Variants in DLGAP1 observed in about 807,000 individuals in gnomAD.
DLGAP1 encodes disks large-associated protein 1.
A neutral mutation model predicts 90.8 loss-of-function variants in DLGAP1; 11 were observed. The observed-to-expected ratio is 0.12, with a 90% confidence interval of 0.08 to 0.20. The LOEUF (loss-of-function observed/expected upper bound fraction) is 0.20. Ranked by LOEUF, DLGAP1 falls within the 10% of genes least tolerant of loss-of-function variation. The pLI is 1.00. For missense variants in DLGAP1, 1,050 were observed against 1,333.8 expected, an observed-to-expected ratio of 0.79 and a Z score of 3.31; for synonymous variants, 558 against 540.7, an observed-to-expected ratio of 1.03 and a Z score of -0.44.
At chr18:3,696,419 T>G (rs541031808) in intron 7 of DLGAP1, among the ~76,000 whole-genome samples, 32 of 152,324 alleles carry the variant, frequency 2.1e-4, no homozygotes, top group Middle Eastern at 3.4e-3. Context: ...GGTGTTGAAT[T>G]TTATTGAAGG....
At chr18:4,125,091 A>C (rs1268334635) in intron 2 of DLGAP1, among the ~76,000 whole-genome samples, 1 of 152,230 alleles carries the variant, frequency 6.6e-6, no homozygotes, top group Non-Finnish European at 1.5e-5. Flanking sequence ...GGAGCAAGGC[A>C]AGGGGTCACT....
chr18:3,649,914 T>G (rs2059237187), intron 7 of DLGAP1, among the ~76,000 whole-genome samples: 1 of 152,240 alleles, frequency 6.6e-6, no homozygotes, highest in Non-Finnish European at 1.5e-5. Flanking sequence ...GGCTAACCCT[T>G]GGAAATTTCT....
intron 12 of DLGAP1, chr18:3,502,152 T>C (rs2049973419): frequency 8.8e-7 from 1 of 1,130,810 alleles, no homozygotes; most frequent in African/African-American, 1.6e-5. Context: ...TTCTATGGAT[T>C]CATGCACTGA....
Position 4,223,264 on chromosome 18 carries a change from T to A in DLGAP1, c.-266-71977A>T, listed in dbSNP as rs558383129. On this transcript the variant is annotated intron_variant, in intron 1 of 12. Coordinates refer to ENST00000315677, the MANE Select transcript of DLGAP1 (RefSeq NM_004746.4). ...ATACATTTTCTTATCTCCAGCTGAGTTTGAAACATGTTTATGCAGGAATAA... is the reference window on the plus strand; with the variant it reads ...ATACATTTTCTTATCTCCAGCTGAGATTGAAACATGTTTATGCAGGAATAA... Among the ~76,000 whole-genome samples the A allele has an allele frequency of 9.9e-5, 15 of 152,248 alleles. 1 individual carries two copies. In the East Asian group the frequency reaches 1.5e-3, roughly 16 times the overall value.
chr18:4,160,389 C>G (rs2076824548), intron 1 of DLGAP1, among the ~76,000 whole-genome samples: 1 of 152,188 alleles, frequency 6.6e-6, no homozygotes, highest in Non-Finnish European at 1.5e-5. Context: ...TTTCACATCT[C>G]TTTCAGTTTT....
chr18:3,971,061 A>C (rs752774500), intron 3 of DLGAP1, among the ~76,000 whole-genome samples: 1 of 152,154 alleles, frequency 6.6e-6, no homozygotes, highest in Admixed American at 6.5e-5. Context: ...AGCACCCCAC[A>C]TCTATTCCAG....
intron 6 of DLGAP1, among the ~76,000 whole-genome samples, chr18:3,734,892 A>G (rs961757105): frequency 2.0e-5 from 3 of 152,186 alleles, no homozygotes; most frequent in African/African-American, 7.2e-5. Context: ...CCACACAGAA[A>G]TATTTAATTT....
chr18:3,962,946 T>C (rs2073234127), intron 3 of DLGAP1, among the ~76,000 whole-genome samples: 1 of 152,192 alleles, frequency 6.6e-6, no homozygotes, highest in African/African-American at 2.4e-5. Context: ...TTGTAGGTGT[T>C]GGTGTTCTTT....
intron 1 of DLGAP1, among the ~76,000 whole-genome samples, chr18:4,360,639 AG>A (rs1234268409): frequency 3.9e-5 from 6 of 152,174 alleles, no homozygotes; most frequent in Non-Finnish European, 7.4e-5. Context: ...TGCTGTAGGG[AG>A]TGAAAAGGAA....
At chr18:4,234,425 C>T (rs1265293758) in intron 1 of DLGAP1, among the ~76,000 whole-genome samples, 1 of 152,140 alleles carries the variant, frequency 6.6e-6, no homozygotes, top group Non-Finnish European at 1.5e-5. Context: ...GATAACACAG[C>T]AGGGTTCAAG....
intron 1 of DLGAP1, among the ~76,000 whole-genome samples, chr18:4,356,127 C>G (rs983923932): frequency 6.6e-6 from 1 of 151,984 alleles, no homozygotes; most frequent in Non-Finnish European, 1.5e-5. Context: ...TGGACTCTGT[C>G]TTCAGGAGGA....
intron 7 of DLGAP1, among the ~76,000 whole-genome samples, chr18:3,624,880 C>T (rs2058234644): frequency 6.6e-6 from 1 of 151,958 alleles, no homozygotes; most frequent in Non-Finnish European, 1.5e-5. Flanking sequence ...TAAGACCCAC[C>T]CAGGTAGTAC....
rs62085629 is a variant in DLGAP1, at chr18:4,359,463, C to G, written c.-267+95543G>C. Among the ~76,000 whole-genome samples the G allele has an allele frequency of 4.6e-3, 697 of 152,282 alleles. 2 individuals are homozygous for G. Among genetic ancestry groups the G allele is most frequent in the Middle Eastern group, 0.02 (6 of 294 alleles). On this transcript the variant is annotated intron_variant, in intron 1 of 12. Coordinates refer to ENST00000315677, the MANE Select transcript of DLGAP1 (RefSeq NM_004746.4). ...ATCATACCCCCTTTTTCCAGTCATA[C>G]TTCTTCACAACGATACACCTCTTCA...
chr18:4,202,672 C>G (rs1196384795), intron 1 of DLGAP1, among the ~76,000 whole-genome samples: 1 of 152,092 alleles, frequency 6.6e-6, no homozygotes, highest in Non-Finnish European at 1.5e-5. Flanking sequence ...CAACATTACA[C>G]TAATGTCAGC....
At chr18:4,164,555 C>T (rs940607015) in intron 1 of DLGAP1, among the ~76,000 whole-genome samples, 1 of 152,108 alleles carries the variant, frequency 6.6e-6, no homozygotes, top group Non-Finnish European at 1.5e-5. Context: ...TCATGGGCGC[C>T]TGTAATCCCA....
At chr18:3,969,471 T>C (rs2149001082) in intron 3 of DLGAP1, among the ~76,000 whole-genome samples, 1 of 152,252 alleles carries the variant, frequency 6.6e-6, no homozygotes, top group African/African-American at 2.4e-5. Flanking sequence ...GAAAAGAATA[T>C]TAAAGAGAAA....
At chr18:3,942,537 A>G (rs2072790198) in intron 3 of DLGAP1, among the ~76,000 whole-genome samples, 1 of 152,208 alleles carries the variant, frequency 6.6e-6, no homozygotes, top group Non-Finnish European at 1.5e-5. Flanking sequence ...AAGCGATGGC[A>G]TCTGAATTTG....
At chr18:4,157,632 A>G (rs1366216817) in intron 1 of DLGAP1, among the ~76,000 whole-genome samples, 1 of 152,020 alleles carries the variant, frequency 6.6e-6, no homozygotes, top group African/African-American at 2.4e-5. Flanking sequence ...TTTTGTGGGC[A>G]AAGTCCAATA....
intron 7 of DLGAP1, among the ~76,000 whole-genome samples, chr18:3,637,582 A>G (rs1392426934): frequency 6.6e-6 from 1 of 150,746 alleles, no homozygotes; most frequent in Non-Finnish European, 1.5e-5. Context: ...ACCAAAAAAA[A>G]AAAAAAAAAA....
Sources: gnomAD v4.1 joint callset for allele counts (sites outside exome capture counted in the v4.1 genomes callset) on GRCh38, gnomAD v4.1.1 for gene constraint, MANE v1.5 for transcripts, NCBI Gene and HGNC (gene_info 2026-07-23, HGNC 2026-07-21) for gene names.